The following PXK variants were observed in gnomAD, a reference collection of about 807,000 sequenced individuals.
PXK encodes the protein PX domain containing serine/threonine kinase like, also known as PX domain-containing protein kinase-like protein.
PXK carries 35 observed loss-of-function variants against 84.7 expected under a neutral mutation model. That is an observed-to-expected ratio of 0.41 (90% CI 0.32 to 0.55). The LOEUF is 0.55. Ranked by LOEUF, PXK falls within the 20% of genes least tolerant of loss-of-function variation. The pLI, the probability that PXK is intolerant of heterozygous loss-of-function variation, is 0.21. For synonymous variants in PXK, 253 were observed against 260.8 expected (o/e 0.97, Z 0.29); for missense variants, 634 against 699.7 (o/e 0.91, Z 1.06).
rs1304656456 is a variant in PXK at position 58,409,493 on chromosome 3, CT to C, written c.1309-37del. 9.0e-6 allele frequency: 14 copies of C among 1,555,400 alleles called. No homozygotes were observed. The highest frequency in any genetic ancestry group is 1.1e-5 in the Non-Finnish European group (13 of 1,133,804). On this transcript the variant is annotated intron_variant, in intron 14 of 17. Transcript: ENST00000356151. This position sits in a 1 kb window ranked among gnomAD's most constrained non-coding sequence, Gnocchi z 4.2. ...GAGAAGATTTTCATTAGGAAGCTGC[CT>C]TATGTGGGATATGCTTACATCTTAT...
Position 58,409,579 on chromosome 3 carries a change from T to C in PXK, c.1356T>C (p.Ser452=), listed in dbSNP as rs145692779. ...RLTRAQSHHG[S]EEERKKRKIL... ...CAAGAGCTCAGTCCCACCATGGATC[T>C]GAGGAGGAAAGAAAAAAAAGAAAGA... Residue 452 remains serine (S), a synonymous_variant, in exon 15 of 18, where the codon TCT becomes TCC. Transcript: ENST00000356151. This position sits in a 1 kb window ranked among gnomAD's most constrained non-coding sequence, Gnocchi z 4.2. The C allele has an allele frequency of 1.6e-4, 263 of 1,613,260 alleles. No individual in the cohort carries two copies. In the African/African-American group the frequency reaches 3.0e-3, roughly 19 times the overall value.
rs77825960 is a variant in PXK, at chr3:58,332,950, A to G, written c.-39A>G. 0.085 allele frequency: 110,374 copies of G among 1,290,954 alleles called. 5,703 individuals carry two copies. Among genetic ancestry groups the G allele is most frequent in the African/African-American group, 0.21 (13,350 of 63,542 alleles). 80.0% of individuals were successfully genotyped at this position (1,290,954 alleles called of 1,614,324 possible). On this transcript the variant is annotated 5_prime_UTR_variant, in exon 1 of 18. Coordinates refer to ENST00000356151, the MANE Select transcript of PXK (RefSeq NM_017771.5). The surrounding 1 kb of genome is among the most constrained non-coding windows in gnomAD (Gnocchi z 5.6). The stretch of plus-strand genomic sequence containing the variant: ...GCGGGAGTCGGCGCCTCGGGTTCCT[A>G]CCTCGCGTCCCTAGGCGGCGGCGGC...
In PXK at chr3:58,399,239, C is replaced by T. The variant is rs1235894543; in HGVS notation, c.1103-60C>T. 6.8e-7 allele frequency: 1 copy of T among 1,472,396 alleles called. No individual in the cohort carries two copies. The highest frequency in any genetic ancestry group is 9.5e-7 in the Non-Finnish European group (1 of 1,052,196). 91.2% of individuals were successfully genotyped at this position (1,472,396 alleles called of 1,614,324 possible). ...TGCAAAGTGGTGTTAAACTTTTCAT[C>T]AGCAAGTGGATTTGCCAGCGTGTTC... On this transcript the variant is annotated intron_variant, in intron 11 of 17. Coordinates refer to ENST00000356151, the MANE Select transcript of PXK (RefSeq NM_017771.5). This position sits in a 1 kb window ranked among gnomAD's most constrained non-coding sequence, Gnocchi z 4.3.
intron 1 of PXK, among the ~76,000 whole-genome samples, chr3:58,335,927 C>T (rs1420501637): frequency 6.6e-6 from 1 of 151,106 alleles, no homozygotes; most frequent in South Asian, 2.1e-4. Flanking sequence ...TCTCTTCACT[C>T]CCTGACAACA....
intron 1 of PXK, among the ~76,000 whole-genome samples, chr3:58,337,814 C>T (rs9856964): frequency 0.29 from 44,738 of 151,946 alleles, 6,689 homozygotes; most frequent in African/African-American, 0.35. Flanking sequence ...GTTTTAGTGG[C>T]TTGGTTTATT....
At position 58,390,225 on chromosome 3, in the gene PXK, A is replaced by G. The variant is rs2098612287; in HGVS notation, c.389-357A>G. On this transcript the variant is annotated intron_variant, in intron 4 of 17. Coordinates refer to ENST00000356151, the MANE Select transcript of PXK (RefSeq NM_017771.5). The surrounding 1 kb of genome is among the most constrained non-coding windows in gnomAD (Gnocchi z 4.2). Reference sequence around the variant, plus strand: ...ACAAAAGAAGTTGCAATGATAGTACAGAAAATTGCCATATACTTCTCACCC... The same window carrying G: ...ACAAAAGAAGTTGCAATGATAGTACGGAAAATTGCCATATACTTCTCACCC... Among the ~76,000 whole-genome samples the G allele has an allele frequency of 6.6e-6, 1 of 152,036 alleles. No individual in the cohort carries two copies. The highest frequency in any genetic ancestry group is 1.5e-5 in the Non-Finnish European group (1 of 68,018).
At chr3:58,422,128 C>T (rs373971201) in intron 17 of PXK, 4 of 985,246 alleles carry the variant, frequency 4.1e-6, no homozygotes, top group East Asian at 1.1e-4. Flanking sequence ...GAAGCCCCAA[C>T]GGACCTTTCA....
chr3:58,373,771 C>T (rs1255444489), intron 3 of PXK, among the ~76,000 whole-genome samples: 4 of 152,250 alleles, frequency 2.6e-5, no homozygotes, highest in Admixed American at 6.5e-5. Flanking sequence ...CATCCCCTGA[C>T]GTGGTGGCTC....
At chr3:58,423,339 T>C in intron 17 of PXK, 1 of 1,472,812 alleles carries the variant, frequency 6.8e-7, no homozygotes, top group Admixed American at 2.0e-5. Flanking sequence ...GTTGTTATTG[T>C]GTAGAACCAA....
Position 58,383,370 on chromosome 3 carries a change from A to C in PXK, c.388+670A>C, listed in dbSNP as rs2098523244. 6.6e-6 allele frequency among the ~76,000 whole-genome samples: 1 copy of C among 152,078 alleles called. No homozygotes were observed. The highest frequency in any genetic ancestry group is 2.4e-5 in the African/African-American group (1 of 41,410). On this transcript the variant is annotated intron_variant, in intron 4 of 17. Coordinates refer to ENST00000356151, the MANE Select transcript of PXK (RefSeq NM_017771.5). The surrounding 1 kb of genome is among the most constrained non-coding windows in gnomAD (Gnocchi z 4.0). ...ATATTACTTTTGACCTCTAATCAAC[A>C]CCTTATACATACAATAATCTTAATC... is the stretch of plus-strand genomic sequence containing the variant.
At chr3:58,387,059 C>T (rs2098557369) in intron 4 of PXK, among the ~76,000 whole-genome samples, 1 of 152,176 alleles carries the variant, frequency 6.6e-6, no homozygotes, top group African/African-American at 2.4e-5. Flanking sequence ...CTAGAGGAGT[C>T]AGTGTTTGTT....
Position 58,421,194 on chromosome 3 carries a change from T to C in PXK, c.1529-3558T>C, listed in dbSNP as rs2061781000. The C allele has an allele frequency of 1.0e-6, 1 of 985,386 alleles. No homozygotes were observed. Among genetic ancestry groups the C allele is most frequent in the Non-Finnish European group, 1.2e-6 (1 of 829,922 alleles). 61.0% of individuals were successfully genotyped at this position (985,386 alleles called of 1,614,324 possible). A position where few individuals can be genotyped will look rare whatever the true frequency, so the allele number is the denominator to read the frequency against. ...TACCCTAGTGTGGTCTCATGGCCAC[T>C]TGGCCTCCCTTCCTGTATGTGACCA... On this transcript the variant is annotated intron_variant, in intron 17 of 17. Coordinates refer to ENST00000356151, the MANE Select transcript of PXK (RefSeq NM_017771.5). The surrounding 1 kb of genome is among the most constrained non-coding windows in gnomAD (Gnocchi z 5.5).
chr3:58,422,164 C>T, intron 17 of PXK: 1 of 985,334 alleles, frequency 1.0e-6, no homozygotes, highest in Non-Finnish European at 1.2e-6. Flanking sequence ...ATGGAAAGGG[C>T]CAAAAGGAAA....
chr3:58,348,489 C>G (rs1489023720), intron 1 of PXK, among the ~76,000 whole-genome samples: 1 of 152,022 alleles, frequency 6.6e-6, no homozygotes, highest in Non-Finnish European at 1.5e-5. Flanking sequence ...ATGCTAGCCA[C>G]ATATGTAACT....
chr3:58,406,497 G>C (rs56198078), intron 13 of PXK, among the ~76,000 whole-genome samples: 42,373 of 147,030 alleles, frequency 0.29, 6,921 homozygotes, highest in Middle Eastern at 0.44. Flanking sequence ...GGCTAGTCTT[G>C]AACTCTTGGC....
Position 58,425,007 on chromosome 3 carries a change from T to A in PXK, c.*47T>A. On this transcript the variant is annotated 3_prime_UTR_variant, in exon 18 of 18. Coordinates refer to ENST00000356151, the MANE Select transcript of PXK (RefSeq NM_017771.5). ...GGGAAAAGTTCTTTTTTATTCCTAC[T>A]CACCCCTACCCCCCAAACTACCCTC... 1 of 1,602,020 alleles carries A rather than the reference T, an allele frequency of 6.2e-7. No homozygotes were observed. The highest frequency in any genetic ancestry group is 8.5e-7 in the Non-Finnish European group (1 of 1,173,946).
intron 7 of PXK, among the ~76,000 whole-genome samples, chr3:58,393,080 G>T (rs948458009): frequency 6.6e-6 from 1 of 152,172 alleles, no homozygotes; most frequent in African/African-American, 2.4e-5. Context: ...CGAGTGTGGT[G>T]GCTCATGCCT....
intron 1 of PXK, among the ~76,000 whole-genome samples, chr3:58,346,882 A>G (rs1181443333): frequency 6.6e-6 from 1 of 152,154 alleles, no homozygotes; most frequent in Non-Finnish European, 1.5e-5. Context: ...TCCGTCACCC[A>G]GGCTGGAGTG....
At chr3:58,378,504 T>TGTGTGTGTG (rs1168148178) in intron 3 of PXK, among the ~76,000 whole-genome samples, 4 of 72,726 alleles carry the variant, frequency 5.5e-5, no homozygotes, top group African/African-American at 2.0e-4. Flanking sequence ...TTTTTTTTTT[T>TGTGTGTGTG]TTTTTTTTTG....
Sources: gnomAD v4.1 joint callset for allele counts (sites outside exome capture counted in the v4.1 genomes callset) on GRCh38, gnomAD v4.1.1 for gene constraint, Gnocchi (gnomAD v3.1) non-coding constraint, MANE v1.5 for transcripts, NCBI Gene and HGNC (gene_info 2026-07-23, HGNC 2026-07-21) for gene names.